The following EPS8 variants were observed in gnomAD, a reference collection of about 807,000 sequenced individuals.
EPS8 encodes EGFR pathway substrate 8, signaling adaptor, also known as epidermal growth factor receptor kinase substrate 8.
EPS8 carries 42 observed loss-of-function variants against 103.8 expected under a neutral mutation model. The ratio of observed to expected loss-of-function variants is 0.40; its 90% CI spans 0.32 to 0.52. EPS8 has a LOEUF of 0.52. Among genes scored for constraint, EPS8 ranks in the 20% least tolerant of loss-of-function variants. The pLI, the probability that EPS8 is intolerant of heterozygous loss-of-function variation, is 0.40. For missense variants in EPS8, 969 were observed against 1,005.1 expected, an observed-to-expected ratio of 0.96 and a Z score of 0.49; for synonymous variants, 344 against 344.6, an observed-to-expected ratio of 1.00 and a Z score of 0.02.
At position 15,688,313 on chromosome 12, in the gene EPS8, C is replaced by T. The variant is rs750184617; in HGVS notation, c.-21-5341G>A. 2.6e-5 allele frequency among the ~76,000 whole-genome samples: 4 copies of T among 151,934 alleles called. No homozygotes were observed. The highest frequency in any genetic ancestry group is 4.8e-5 in the African/African-American group (2 of 41,350). On this transcript the variant is annotated intron_variant, in intron 1 of 20. Coordinates refer to ENST00000281172, the MANE Select transcript of EPS8 (RefSeq NM_004447.6). This position sits in a 1 kb window ranked among gnomAD's most constrained non-coding sequence, Gnocchi z 5.1. ...GTCATTTGCCTAAGTGGTAATGATA[C>T]GGAAGGGAAGGGAGTGGTCCCTTTA...
chr12:15,739,758 C>A (rs886999328), intron 1 of EPS8, among the ~76,000 whole-genome samples: 1 of 152,000 alleles, frequency 6.6e-6, no homozygotes, highest in Non-Finnish European at 1.5e-5. Flanking sequence ...CCTAATAAGC[C>A]CCTTATCATC....
At position 15,690,239 on chromosome 12, in the gene EPS8, G is replaced by A. The variant is rs868751725; in HGVS notation, c.-21-7267C>T. 4.6e-5 allele frequency among the ~76,000 whole-genome samples: 7 copies of A among 152,092 alleles called. No homozygotes were observed. The highest frequency in any genetic ancestry group is 2.0e-4 in the Admixed American group (3 of 15,256). ...CTTACAACATACGAAGTGGAAAATGGTATCTTTAGGCAACTGCTGTACTGA... is the reference window on the plus strand; with the variant it reads ...CTTACAACATACGAAGTGGAAAATGATATCTTTAGGCAACTGCTGTACTGA... On this transcript the variant is annotated intron_variant, in intron 1 of 20. Coordinates refer to ENST00000281172, the MANE Select transcript of EPS8 (RefSeq NM_004447.6). This position sits in a 1 kb window ranked among gnomAD's most constrained non-coding sequence, Gnocchi z 4.7.
At chr12:15,786,180 T>C (rs141933824) in intron 1 of EPS8, among the ~76,000 whole-genome samples, 6 of 152,152 alleles carry the variant, frequency 3.9e-5, no homozygotes, top group Admixed American at 2.6e-4. Context: ...GTGATAAAGA[T>C]GAGTATCACA....
At chr12:15,663,940 A>ATT (rs1565487214) in intron 8 of EPS8, among the ~76,000 whole-genome samples, 1,210 of 10,748 alleles carry the variant, frequency 0.11, 67 homozygotes, top group African/African-American at 0.18. Context: ...AAAAAAAAAA[A>ATT]AAAAAATAAT....
chr12:15,658,838 G>A lies in EPS8; in HGVS notation c.938-253C>T, dbSNP rs538463758. Among the ~76,000 whole-genome samples, 25 of 152,154 alleles carry A rather than the reference G, an allele frequency of 1.6e-4. No individual in the cohort carries two copies. In the South Asian group the frequency reaches 5.2e-3, roughly 32 times the overall value. On this transcript the variant is annotated intron_variant, in intron 10 of 20. Transcript: ENST00000281172. Reference sequence around the variant, plus strand: ...AACATACATTGTAGCCTTTCTCTATGGCAGACATTGTGCAAGTGAGTAACT... The same window carrying A: ...AACATACATTGTAGCCTTTCTCTATAGCAGACATTGTGCAAGTGAGTAACT...
chr12:15,712,030 A>T (rs535031843), intron 1 of EPS8, among the ~76,000 whole-genome samples: 1 of 152,190 alleles, frequency 6.6e-6, no homozygotes, highest in Non-Finnish European at 1.5e-5. Context: ...ATAACAAAAA[A>T]GTTCCTTCTG....
chr12:15,664,134 A>G (rs994331182), intron 8 of EPS8, among the ~76,000 whole-genome samples: 25 of 151,060 alleles, frequency 1.7e-4, no homozygotes, highest in Admixed American at 1.5e-3. Context: ...CAGTAACAAC[A>G]AAAACACCAT....
intron 1 of EPS8, among the ~76,000 whole-genome samples, chr12:15,730,687 T>C (rs78461183): frequency 0.011 from 1,748 of 152,310 alleles, 16 homozygotes; most frequent in Middle Eastern, 0.031. Context: ...CCTGTTTTCC[T>C]TTTAAGAGAA....
rs1946055539 is a variant in EPS8, at chr12:15,684,116, T to A, written c.-21-1144A>T. On this transcript the variant is annotated intron_variant, in intron 1 of 20. Coordinates refer to ENST00000281172, the MANE Select transcript of EPS8 (RefSeq NM_004447.6). The surrounding 1 kb of genome is among the most constrained non-coding windows in gnomAD (Gnocchi z 4.9). ...GTAAAATTTTAAGTTGTACTTATCA[T>A]TACAAAGGGAACATTCATCATAACA... is the stretch of plus-strand genomic sequence containing the variant. 1 of 152,166 alleles carries A rather than the reference T, an allele frequency of 6.6e-6. No homozygotes were observed. The allele number at this position is 152,166 out of a possible 1,614,324, so 9.4% of individuals were successfully genotyped here.
At position 15,735,515 on chromosome 12, in the gene EPS8, T is replaced by C. The variant is rs909248273; in HGVS notation, c.-21-52543A>G. On this transcript the variant is annotated intron_variant, in intron 1 of 20. Coordinates refer to ENST00000281172, the MANE Select transcript of EPS8 (RefSeq NM_004447.6). This position sits in a 1 kb window ranked among gnomAD's most constrained non-coding sequence, Gnocchi z 4.4. ...ACTGAAAAAGCTAACATTCTAAGATTAAAACTATGATTTGAATCCATGTCT... is the reference window on the plus strand; with the variant it reads ...ACTGAAAAAGCTAACATTCTAAGATCAAAACTATGATTTGAATCCATGTCT... Among the ~76,000 whole-genome samples, 4 of 152,226 alleles carry C rather than the reference T, an allele frequency of 2.6e-5. No homozygotes were observed. Among genetic ancestry groups the C allele is most frequent in the African/African-American group, 9.6e-5 (4 of 41,470 alleles).
chr12:15,653,663 C>A (rs1565481433), intron 13 of EPS8, among the ~76,000 whole-genome samples: 1 of 152,188 alleles, frequency 6.6e-6, no homozygotes, highest in Non-Finnish European at 1.5e-5. Context: ...CACGAGTTCA[C>A]ATCCCTGCTC....
intron 6 of EPS8, 66 bp downstream of exon 6, chr12:15,669,321 T>C (rs1945770652): frequency 1.4e-6 from 2 of 1,426,834 alleles, no homozygotes; most frequent in Non-Finnish European, 1.9e-6. Flanking sequence ...ATTATCAAAA[T>C]AGGTAATTCA....
chr12:15,637,448 T>G (rs550315700), intron 17 of EPS8, among the ~76,000 whole-genome samples: 58 of 152,198 alleles, frequency 3.8e-4, no homozygotes, highest in South Asian at 4.1e-4. Context: ...GCAAATTATT[T>G]CTCCTACACC....
rs112053006 is a variant in EPS8 at position 15,723,021 on chromosome 12, C to CA, written c.-21-40050dup. On this transcript the variant is annotated intron_variant, in intron 1 of 20. Transcript: ENST00000281172. Reference sequence around the variant, plus strand: ...CACTTGTTTGAAAAAAAAAAACAAACAAAAAAAAAACATTTTTCAAGGCTG... The same window carrying CA: ...CACTTGTTTGAAAAAAAAAAACAAACAAAAAAAAAAACATTTTTCAAGGCTG... Among the ~76,000 whole-genome samples, 383 of 141,696 alleles carry CA rather than the reference C, an allele frequency of 2.7e-3. 3 individuals are homozygous for CA. Among genetic ancestry groups the CA allele is most frequent in the South Asian group, 0.017 (74 of 4,388 alleles). The allele number at this position is 141,696 out of a possible 152,430, so 93.0% of individuals were successfully genotyped here.
Position 15,669,266 on chromosome 12 carries a change from C to A in EPS8, c.516+121G>T, listed in dbSNP as rs542034135. The A allele has an allele frequency of 5.0e-4, 403 of 801,564 alleles. No individual in the cohort carries two copies. The African/African-American group carries it at 6.5e-3, about 13-fold the overall frequency. The allele number at this position is 801,564 out of a possible 1,614,324, so 49.7% of individuals were successfully genotyped here. On this transcript the variant is annotated intron_variant, in intron 6 of 20. Transcript: ENST00000281172. ...GATACTAAGGTATTTGTTTTCCTTACGAGATGCTCAGAAACTAAAAATCTA... is the reference window on the plus strand; with the variant it reads ...GATACTAAGGTATTTGTTTTCCTTAAGAGATGCTCAGAAACTAAAAATCTA...
intron 1 of EPS8, among the ~76,000 whole-genome samples, chr12:15,689,630 C>G (rs1946144920): frequency 6.6e-6 from 1 of 152,128 alleles, no homozygotes. Flanking sequence ...TTTATCATTT[C>G]TTTGTGGTAA....
At chr12:15,665,651 T>C in intron 8 of EPS8, 105 bp downstream of exon 8, 1 of 1,417,986 alleles carries the variant, frequency 7.1e-7, no homozygotes, top group South Asian at 1.2e-5. Flanking sequence ...TTTTAAAAAC[T>C]AACCTCAAGC....
chr12:15,715,812 T>G (rs1946527050), intron 1 of EPS8, among the ~76,000 whole-genome samples: 1 of 151,822 alleles, frequency 6.6e-6, no homozygotes, highest in Non-Finnish European at 1.5e-5. Context: ...TCTAATAAAC[T>G]TTCCCGAACA....
chr12:15,696,520 A>G lies in EPS8; in HGVS notation c.-21-13548T>C, dbSNP rs1337303435. Among the ~76,000 whole-genome samples, 1 of 152,116 alleles carries G rather than the reference A, an allele frequency of 6.6e-6. No individual in the cohort carries two copies. Among genetic ancestry groups the G allele is most frequent in the Non-Finnish European group, 1.5e-5 (1 of 68,016 alleles). The stretch of plus-strand genomic sequence containing the variant: ...GCTGGGCATGATGACATATACCTGT[A>G]ATCCCAGCTACTCGGGAGGCTAAGG... On this transcript the variant is annotated intron_variant, in intron 1 of 20. Transcript: ENST00000281172. The surrounding 1 kb of genome is among the most constrained non-coding windows in gnomAD (Gnocchi z 4.8).
Sources: gnomAD v4.1 joint callset for allele counts (sites outside exome capture counted in the v4.1 genomes callset) on GRCh38, gnomAD v4.1.1 for gene constraint, Gnocchi (gnomAD v3.1) non-coding constraint, MANE v1.5 for transcripts, NCBI Gene and HGNC (gene_info 2026-07-23, HGNC 2026-07-21) for gene names.